The following NID1 variants were observed in gnomAD, a reference collection of about 807,000 sequenced individuals.
The protein encoded by NID1 is nidogen 1.
NID1 carries 76 observed loss-of-function variants against 130.6 expected under a neutral mutation model. That is an observed-to-expected ratio of 0.58 (90% CI 0.48 to 0.70). The LOEUF is 0.70. Ranked by LOEUF, NID1 falls within the 30% of genes least tolerant of loss-of-function variation. NID1 has a pLI of 0.00. For synonymous variants in NID1, 665 were observed against 675.1 expected (o/e 0.98, Z 0.23); for missense variants, 1,517 against 1,664.8 (o/e 0.91, Z 1.54).
At chr1:236,050,988 C>A (rs1487108832) in intron 1 of NID1, among the ~76,000 whole-genome samples, 1 of 151,860 alleles carries the variant, frequency 6.6e-6, no homozygotes, top group Non-Finnish European at 1.5e-5. Flanking sequence ...GAGACTGAGG[C>A]AGGAGAATTG....
At chr1:236,001,610 G>A (rs981324496) in intron 12 of NID1, among the ~76,000 whole-genome samples, 40 of 152,280 alleles carry the variant, frequency 2.6e-4, no homozygotes, top group East Asian at 3.9e-4. Context: ...CAGCAATAAC[G>A]GTGATAACAG....
chr1:235,993,685 C>T lies in NID1; in HGVS notation c.2715G>A (p.Glu905=), dbSNP rs764536880. The change falls in exon 13 of 20, where the codon GAG becomes GAA. Residue 905 remains glutamate, a synonymous_variant. Coordinates refer to ENST00000264187, the MANE Select transcript of NID1 (RefSeq NM_002508.3). The stretch of plus-strand genomic sequence containing the variant: ...CGGGCCTGGTCCTGGTGCCCTCCAC[C>T]TCGCGGCCGTCGCGATCCACGCACC... ...YCWCVDRDGR[E]VEGTRTRPGM... The T allele has an allele frequency of 3.8e-6, 6 of 1,586,224 alleles. No individual in the cohort carries two copies. Among genetic ancestry groups the T allele is most frequent in the Non-Finnish European group, 4.3e-6 (5 of 1,162,732 alleles).
chr1:236,048,875 T>C lies in NID1; in HGVS notation c.340A>G (p.Thr114Ala), dbSNP rs1659687465. The C allele has an allele frequency of 1.2e-6, 2 of 1,613,964 alleles. No individual in the cohort carries two copies. Among genetic ancestry groups the C allele is most frequent in the African/African-American group, 2.7e-5 (2 of 74,920 alleles). The change falls in exon 2 of 20, where the codon ACC (threonine) becomes GCC (alanine). Residue 114 changes from threonine (T) to alanine (A), a missense_variant. By Grantham distance (58) the Thr-to-Ala change is moderately conservative (BLOSUM62 0). Coordinates refer to ENST00000264187, the MANE Select transcript of NID1 (RefSeq NM_002508.3). ...VAPFLADLDTTDGLGKVYYRE... is the reference protein window; with the variant it reads ...VAPFLADLDTADGLGKVYYRE... ...TAATAAACCTTCCCCAGGCCATCGG[T>C]CGTGTCCAAGTCCGCCAGGAAAGGG...
chr1:236,055,220 C>T (rs1180248913), intron 1 of NID1, among the ~76,000 whole-genome samples: 1 of 151,716 alleles, frequency 6.6e-6, no homozygotes, highest in Non-Finnish European at 1.5e-5. Flanking sequence ...AGGAGAATGG[C>T]GGGAACCCGG....
intron 1 of NID1, among the ~76,000 whole-genome samples, chr1:236,058,627 C>G (rs1659956875): frequency 6.6e-6 from 1 of 152,198 alleles, no homozygotes. Context: ...CGGAGAAAGT[C>G]TATATGCAGA....
intron 1 of NID1, among the ~76,000 whole-genome samples, chr1:236,062,908 C>A (rs1468570985): frequency 6.6e-6 from 1 of 151,780 alleles, no homozygotes. Context: ...GTAATCCCAG[C>A]ACTTTGGGAG....
chr1:236,032,574 T>C lies in NID1; in HGVS notation c.1364A>G (p.Asn455Ser), dbSNP rs1034954701. Residue 455 changes from asparagine (N) to serine (S), a missense_variant, in exon 6 of 20, where the codon AAC becomes AGC. Around this residue, in one of 3 missense-constraint regions of NID1, gnomAD observed 1,329 missense variants for 1,429.2 expected, o/e 0.93. Transcript: ENST00000264187. ...TACTACGTAAGAGTGGAGGTCAGTG[T>C]TCTCAAAGACAATGGGGACCTGGCT... ...GSSQVPIVFENTDLHSYVVMN... is the reference protein window; with the variant it reads ...GSSQVPIVFESTDLHSYVVMN... The C allele has an allele frequency of 1.9e-6, 3 of 1,613,992 alleles. No homozygotes were observed. Among genetic ancestry groups the C allele is most frequent in the Non-Finnish European group, 2.5e-6 (3 of 1,180,042 alleles).
chr1:236,017,280 C>A lies in NID1; in HGVS notation c.2129-7G>T, dbSNP rs3768081. The A allele has an allele frequency of 6.2e-7, 1 of 1,611,746 alleles. No homozygotes were observed. The highest frequency in any genetic ancestry group is 1.1e-5 in the South Asian group (1 of 90,728). On this transcript the variant is annotated splice_polypyrimidine_tract_variant and splice_region_variant and intron_variant, in intron 9 of 19. Transcript: ENST00000264187. ...TCTGAACATTCATCAATATCTGCAGCAAAAATTTTTTTTTACTGCAGGCTT... is the reference window on the plus strand; with the variant it reads ...TCTGAACATTCATCAATATCTGCAGAAAAAATTTTTTTTTACTGCAGGCTT...
rs1436035652 is a variant in NID1, at chr1:235,977,675, A to G, written c.*192T>C. On this transcript the variant is annotated 3_prime_UTR_variant, in exon 20 of 20. Transcript: ENST00000264187. ...GGGTTCTGTCCTTGTGTAGGGGTGG[A>G]GACTTTTCTATTAGAGAAGTCCAGG... is the stretch of plus-strand genomic sequence containing the variant. The G allele has an allele frequency of 3.4e-6, 2 of 590,242 alleles. No homozygotes were observed. The highest frequency in any genetic ancestry group is 6.0e-6 in the Non-Finnish European group (2 of 335,094). 36.6% of individuals were successfully genotyped at this position (590,242 alleles called of 1,614,324 possible).
intron 15 of NID1, among the ~76,000 whole-genome samples, chr1:235,982,341 A>G (rs114123743): frequency 0.01 from 1,583 of 152,274 alleles, 27 homozygotes; most frequent in African/African-American, 0.037. Flanking sequence ...GTGGTCAGAG[A>G]TGAAGGTAGG....
intron 10 of NID1, among the ~76,000 whole-genome samples, chr1:236,015,929 C>G (rs186040295): frequency 6.6e-6 from 1 of 152,216 alleles, no homozygotes; most frequent in South Asian, 2.1e-4. Flanking sequence ...TCAGGAATGA[C>G]TGGATCCAGA....
chr1:236,065,059 C>T lies in NID1; in HGVS notation c.21G>A (p.Arg7=). The change falls in exon 1 of 20, where the codon CGG becomes CGA. Residue 7 remains arginine (R), a synonymous_variant. Coordinates refer to ENST00000264187, the MANE Select transcript of NID1 (RefSeq NM_002508.3). This position sits in a 1 kb window ranked among gnomAD's most constrained non-coding sequence, Gnocchi z 4.1. MLASSS[R]IRAAWTRALL... ...GCGCCCGCGTCCACGCAGCCCGGATCCGGCTGCTCGAGGCCAACATGTTCC... is the reference window on the plus strand; with the variant it reads ...GCGCCCGCGTCCACGCAGCCCGGATTCGGCTGCTCGAGGCCAACATGTTCC... 6.4e-7 allele frequency: 1 copy of T among 1,551,668 alleles called. No homozygotes were observed. The highest frequency in any genetic ancestry group is 8.7e-7 in the Non-Finnish European group (1 of 1,147,610).
At chr1:236,025,008 T>TGGTGCGA (rs1658880756) in intron 8 of NID1, among the ~76,000 whole-genome samples, 1 of 151,754 alleles carries the variant, frequency 6.6e-6, no homozygotes, top group African/African-American at 2.4e-5. Flanking sequence ...TGGAGTGCAG[T>TGGTGCGA]GATATGATCT....
chr1:236,056,211 A>G (rs1368530848), intron 1 of NID1, among the ~76,000 whole-genome samples: 2 of 152,066 alleles, frequency 1.3e-5, no homozygotes, highest in African/African-American at 4.8e-5. Context: ...ATAAGGAAAA[A>G]CTCCTTGATA....
intron 15 of NID1, among the ~76,000 whole-genome samples, chr1:235,982,158 G>GAC (rs1157316404): frequency 2.0e-5 from 3 of 152,194 alleles, no homozygotes; most frequent in African/African-American, 7.2e-5. Context: ...TGGGGGAGGT[G>GAC]ACATTGCTTG....
chr1:236,015,196 A>G (rs541565816), intron 10 of NID1, among the ~76,000 whole-genome samples: 1 of 152,340 alleles, frequency 6.6e-6, no homozygotes, highest in South Asian at 2.1e-4. Context: ...TGTTTCAACA[A>G]GGAATTCCAA....
intron 7 of NID1, among the ~76,000 whole-genome samples, chr1:236,027,224 C>T (rs7538137): frequency 5.9e-5 from 9 of 152,136 alleles, no homozygotes; most frequent in South Asian, 2.1e-4. Flanking sequence ...ATGGCCCATA[C>T]GACAAAACCC....
In NID1 at chr1:236,025,876, C is replaced by G; in HGVS notation, c.1984+20G>C. The G allele has an allele frequency of 6.2e-7, 1 of 1,610,972 alleles. No individual in the cohort carries two copies. Among genetic ancestry groups the G allele is most frequent in the South Asian group, 1.1e-5 (1 of 90,952 alleles). ...AAAATGCATGAGCACCTGTGCCCAG[C>G]ATGAGCTGTATCCCCTTACCCCTCA... On this transcript the variant is annotated intron_variant, in intron 8 of 19. Transcript: ENST00000264187.
At chr1:236,046,563 G>A (rs1212259424) in intron 2 of NID1, among the ~76,000 whole-genome samples, 1 of 151,842 alleles carries the variant, frequency 6.6e-6, no homozygotes, top group Non-Finnish European at 1.5e-5. Context: ...TCAGGGAGAG[G>A]ACGTCCCAAA....
Sources: allele counts gnomAD v4.1 joint callset (sites outside exome capture counted in the v4.1 genomes callset), GRCh38; gene constraint gnomAD v4.1.1; regional missense constraint gnomAD v4.1.1; non-coding constraint Gnocchi (gnomAD v3.1); transcripts MANE v1.5; gene names NCBI Gene and HGNC (gene_info 2026-07-23, HGNC 2026-07-21).